VPS8: variants seen among roughly 807,000 people sequenced by gnomAD.
The protein encoded by VPS8 is VPS8 subunit of CORVET complex, also known as vacuolar protein sorting-associated protein 8 homolog.
In VPS8, 129 loss-of-function variants were observed where a neutral mutation model predicts 216.4. The ratio of observed to expected loss-of-function variants is 0.60; its 90% confidence interval spans 0.52 to 0.69. The LOEUF is 0.69. VPS8 is among the 30% of genes least tolerant of loss of function. The probability of loss-of-function intolerance (pLI) is 0.00; values close to 1 mark genes in which losing one functional copy is unlikely to be tolerated. For missense variants in VPS8, 1,531 were observed against 1,683.5 expected (o/e 0.91, Z 1.59); for synonymous variants, 571 against 565.4 (o/e 1.01, Z -0.14).
chr3:185,046,746 A>C (rs1713008124), intron 46 of VPS8, among the ~76,000 whole-genome samples: 1 of 152,242 alleles, frequency 6.6e-6, no homozygotes, highest in Non-Finnish European at 1.5e-5. Context: ...ACAGATAAAG[A>C]AACTGAGACT....
intron 46 of VPS8, among the ~76,000 whole-genome samples, chr3:185,040,652 C>T (rs975884872): frequency 2.0e-5 from 3 of 152,170 alleles, no homozygotes; most frequent in African/African-American, 4.8e-5. Flanking sequence ...ACTCTACATT[C>T]TGTTTCTGTA....
chr3:185,037,902 T>C (rs1759128325), intron 46 of VPS8, among the ~76,000 whole-genome samples: 1 of 152,232 alleles, frequency 6.6e-6, no homozygotes, highest in Non-Finnish European at 1.5e-5. Context: ...CCTTTAGTTC[T>C]GTGAGGATAT....
chr3:185,021,762 A>C (rs1276709629), intron 45 of VPS8, among the ~76,000 whole-genome samples: 2 of 152,190 alleles, frequency 1.3e-5, no homozygotes, highest in African/African-American at 2.4e-5. Flanking sequence ...GTTAAACAAA[A>C]CCTGCAACGT....
chr3:185,018,889 G>A (rs545489367), intron 45 of VPS8, among the ~76,000 whole-genome samples: 1 of 152,116 alleles, frequency 6.6e-6, no homozygotes, highest in Non-Finnish European at 1.5e-5. Flanking sequence ...AGTCACTGGG[G>A]CAACTACTTT....
intron 15 of VPS8, among the ~76,000 whole-genome samples, chr3:184,861,413 T>C (rs1726354783): frequency 6.6e-6 from 1 of 152,236 alleles, no homozygotes; most frequent in Non-Finnish European, 1.5e-5. Flanking sequence ...AATCCTTTCT[T>C]TACATGATTT....
chr3:184,862,858 G>A, intron 15 of VPS8, 39 bp from the exon 16 acceptor site: 1 of 1,590,642 alleles, frequency 6.3e-7, no homozygotes, highest in Non-Finnish European at 8.6e-7. Flanking sequence ...TGAAGCGGGT[G>A]TGGTCTCACT....
intron 8 of VPS8, among the ~76,000 whole-genome samples, chr3:184,848,268 G>A (rs756404897): frequency 6.6e-6 from 1 of 152,056 alleles, no homozygotes; most frequent in African/African-American, 2.4e-5. Flanking sequence ...CTGTTTAAAT[G>A]TTTACTCTGT....
At chr3:185,021,432 G>A (rs189479938) in intron 45 of VPS8, among the ~76,000 whole-genome samples, 4 of 152,236 alleles carry the variant, frequency 2.6e-5, no homozygotes, top group Non-Finnish European at 2.9e-5. Flanking sequence ...ACCACATCTA[G>A]TTCTTGGCTT....
chr3:184,868,944 A>G lies in VPS8; in HGVS notation c.1507-2A>G, dbSNP rs1200532938. The G allele has an allele frequency of 1.2e-6, 2 of 1,604,494 alleles. No individual in the cohort carries two copies. Among genetic ancestry groups the G allele is most frequent in the Admixed American group, 1.7e-5 (1 of 58,680 alleles). On this transcript the variant is annotated splice_acceptor_variant, in intron 18 of 47. Transcript: ENST00000625842. LOFTEE classifies it high-confidence loss of function. ...CTGGTTTCTCTCATTTTTCCGTTTT[A>G]GAGAGTGGATCATCTCCTGAAACAA...
chr3:184,846,226 G>GA (rs997577752), intron 8 of VPS8, among the ~76,000 whole-genome samples: 17 of 152,098 alleles, frequency 1.1e-4, no homozygotes, highest in Admixed American at 9.2e-4. Flanking sequence ...AAAAAATCCA[G>GA]AAAAAAGTTG....
intron 45 of VPS8, among the ~76,000 whole-genome samples, chr3:185,008,137 A>G (rs1400399968): frequency 6.6e-6 from 1 of 152,160 alleles, no homozygotes. Flanking sequence ...TATATTCAAC[A>G]TTAAACTTAT....
chr3:184,897,295 G>A (rs1461589261), intron 23 of VPS8, among the ~76,000 whole-genome samples: 1 of 152,112 alleles, frequency 6.6e-6, no homozygotes, highest in Non-Finnish European at 1.5e-5. Context: ...TTTAGAGATA[G>A]AATTGATTTG....
At chr3:184,989,085 A>G (rs1360170081) in intron 42 of VPS8, among the ~76,000 whole-genome samples, 2 of 152,062 alleles carry the variant, frequency 1.3e-5, no homozygotes, top group African/African-American at 4.8e-5. Context: ...CTTCCTTCCC[A>G]ATCTGTATAT....
intron 33 of VPS8, among the ~76,000 whole-genome samples, 167 bp downstream of exon 33, chr3:184,929,831 G>A (rs1219628733): frequency 1.3e-5 from 2 of 152,146 alleles, no homozygotes; most frequent in African/African-American, 4.8e-5. Flanking sequence ...TTTAGTGATG[G>A]AAACTGACAG....
Position 184,824,687 on chromosome 3 carries a change from A to T in VPS8, c.55A>T (p.Ser19Cys). The change falls in exon 2 of 48, where the codon AGC becomes TGC. Residue 19 changes from serine to cysteine, a missense_variant. Physicochemically the swap from Ser to Cys is moderately radical, Grantham distance 112. This residue lies in a region of VPS8 where 199 missense variants were observed against 182.2 expected (regional missense o/e 1.09). Coordinates refer to ENST00000625842, the MANE Select transcript of VPS8 (RefSeq NM_001009921.3). ...GGAACAGAGCCTCTGTGCCAAGACG[A>T]GCGAAGAAGAGCTGAATAAGTCTTT... Reference protein sequence around the residue: ...NVEQSLCAKTSEEELNKSFNL... With the variant: ...NVEQSLCAKTCEEELNKSFNL... 6.2e-7 allele frequency: 1 copy of T among 1,613,994 alleles called. No individual in the cohort carries two copies.
At chr3:184,934,176 G>GT (rs1159712162) in intron 34 of VPS8, among the ~76,000 whole-genome samples, 46 of 151,174 alleles carry the variant, frequency 3.0e-4, no homozygotes, top group Admixed American at 7.3e-4. Flanking sequence ...GTTTTGTTTT[G>GT]TTTTTTTTGA....
At chr3:184,819,003 TA>T (rs1385682142) in intron 1 of VPS8, among the ~76,000 whole-genome samples, 1 of 151,204 alleles carries the variant, frequency 6.6e-6, no homozygotes, top group Non-Finnish European at 1.5e-5. Flanking sequence ...TCCCATCTCT[TA>T]AAAAAAAACT....
In VPS8 at chr3:185,051,915, G is replaced by A. The variant is rs765675122; in HGVS notation, c.4177G>A (p.Glu1393Lys). The stretch of plus-strand genomic sequence containing the variant: ...GGAACTCTCCCAGAATCGCAGCAGC[G>A]AGAGCTATAGGCCATTCAGTGGCTC... ...LTELSQNRSS[E>K]SYRPFSGSQS... Residue 1393 changes from glutamate (E) to lysine (K), a missense_variant, in exon 48 of 48, where the codon GAG becomes AAG. Transcript: ENST00000625842. 13 of 1,611,206 alleles carry A rather than the reference G, an allele frequency of 8.1e-6. No individual in the cohort carries two copies. Among genetic ancestry groups the A allele is most frequent in the East Asian group, 4.5e-5 (2 of 44,690 alleles).
intron 23 of VPS8, among the ~76,000 whole-genome samples, chr3:184,896,925 A>G (rs972498491): frequency 1.3e-5 from 2 of 152,184 alleles, no homozygotes; most frequent in African/African-American, 4.8e-5. Flanking sequence ...GCTGAATGAC[A>G]AGAAGGAATC....
Sources: allele counts gnomAD v4.1 joint callset (sites outside exome capture counted in the v4.1 genomes callset), GRCh38; gene constraint gnomAD v4.1.1; regional missense constraint gnomAD v4.1.1; transcripts MANE v1.5; gene names NCBI Gene and HGNC (gene_info 2026-07-23, HGNC 2026-07-21).